ADK: variants seen among roughly 807,000 people sequenced by gnomAD.
ADK encodes the protein N6,N6-dimethyladenosine kinase.
In ADK, 24 loss-of-function variants were observed where a neutral mutation model predicts 44.7. That is an observed-to-expected ratio of 0.54 (90% confidence interval 0.39 to 0.76). ADK has a LOEUF of 0.76. Ranked by LOEUF, ADK falls within the 30% of genes least tolerant of loss-of-function variation. The pLI is 0.00. For synonymous variants in ADK, 128 were observed against 142.6 expected, an observed-to-expected ratio of 0.90 and a Z score of 0.73; for missense variants, 321 against 425.1, an observed-to-expected ratio of 0.76 and a Z score of 2.15.
chr10:74,483,014 A>G (rs4281434), intron 6 of ADK, among the ~76,000 whole-genome samples: 110,242 of 152,000 alleles, frequency 0.73, 40,696 homozygotes, highest in Middle Eastern at 0.86. Flanking sequence ...TCTTCTCACC[A>G]TTCCAATAGG....
intron 10 of ADK, among the ~76,000 whole-genome samples, chr10:74,700,164 G>T (rs1181509719): frequency 6.6e-6 from 1 of 152,148 alleles, no homozygotes; most frequent in Non-Finnish European, 1.5e-5. Flanking sequence ...AAACTACAGT[G>T]TATTTATACA....
intron 1 of ADK, among the ~76,000 whole-genome samples, chr10:74,179,278 G>T (rs1458285453): frequency 6.6e-6 from 1 of 152,264 alleles, no homozygotes; most frequent in African/African-American, 2.4e-5. Flanking sequence ...TTGCAATAAT[G>T]ATGTCAGACA....
intron 1 of ADK, among the ~76,000 whole-genome samples, chr10:74,195,565 C>T (rs1843099300): frequency 6.6e-6 from 1 of 152,114 alleles, no homozygotes; most frequent in Non-Finnish European, 1.5e-5. Context: ...CTTACTGCAA[C>T]CTCGACCTTC....
intron 9 of ADK, among the ~76,000 whole-genome samples, chr10:74,615,399 A>G (rs1852713766): frequency 6.6e-6 from 1 of 152,146 alleles, no homozygotes; most frequent in Admixed American, 6.5e-5. Context: ...TGTAGTGTCA[A>G]GTTCTGTGGG....
chr10:74,469,164 C>T (rs1308295028), intron 6 of ADK, among the ~76,000 whole-genome samples: 1 of 151,946 alleles, frequency 6.6e-6, no homozygotes, highest in African/African-American at 2.4e-5. Context: ...GTTGCAAAAC[C>T]CCATCCCTAC....
intron 6 of ADK, among the ~76,000 whole-genome samples, chr10:74,513,440 C>G (rs557723261): frequency 1.3e-5 from 2 of 152,222 alleles, no homozygotes; most frequent in South Asian, 4.1e-4. Flanking sequence ...TATATATTTA[C>G]AGTTGTTATA....
chr10:74,432,698 T>G (rs537615449), intron 6 of ADK, among the ~76,000 whole-genome samples: 29 of 152,326 alleles, frequency 1.9e-4, no homozygotes, highest in African/African-American at 7.0e-4. Flanking sequence ...AGTGTATACA[T>G]GTATTTGCTT....
intron 6 of ADK, among the ~76,000 whole-genome samples, chr10:74,474,728 G>T (rs1846758310): frequency 6.6e-6 from 1 of 152,040 alleles, no homozygotes; most frequent in African/African-American, 2.4e-5. Flanking sequence ...TCACTGTGTT[G>T]CCCAGGCTGG....
chr10:74,620,263 C>T (rs1484992050), intron 9 of ADK, among the ~76,000 whole-genome samples: 1 of 152,076 alleles, frequency 6.6e-6, no homozygotes, highest in Non-Finnish European at 1.5e-5. Context: ...CTCCCTATTG[C>T]CTCCTCCTTC....
intron 2 of ADK, among the ~76,000 whole-genome samples, chr10:74,220,513 C>G (rs1428742936): frequency 6.6e-6 from 1 of 152,120 alleles, no homozygotes; most frequent in Non-Finnish European, 1.5e-5. Context: ...CTCCCTAACT[C>G]ATTTTATGAG....
chr10:74,620,337 T>C (rs986088380), intron 9 of ADK, among the ~76,000 whole-genome samples: 3 of 152,200 alleles, frequency 2.0e-5, no homozygotes, highest in Non-Finnish European at 4.4e-5. Context: ...CAACTTTTTT[T>C]AGCTTCCACG....
At chr10:74,195,088 C>T (rs578102501) in intron 1 of ADK, among the ~76,000 whole-genome samples, 2 of 88,530 alleles carry the variant, frequency 2.3e-5, no homozygotes, top group South Asian at 5.7e-4. Context: ...CGCTCCCCCC[C>T]CCAAAAAAAA....
chr10:74,575,144 C>T (rs1851140904), intron 7 of ADK, among the ~76,000 whole-genome samples: 1 of 152,110 alleles, frequency 6.6e-6, no homozygotes, highest in Non-Finnish European at 1.5e-5. Context: ...TATTTGAGGG[C>T]TTCTCTTTTC....
chr10:74,574,308 C>A (rs181790367), intron 7 of ADK, among the ~76,000 whole-genome samples: 26 of 151,810 alleles, frequency 1.7e-4, no homozygotes, highest in Admixed American at 1.3e-3. Context: ...GTAGCTGGGA[C>A]TACAGGCGCA....
At chr10:74,592,045 A>T (rs532307168) in intron 8 of ADK, among the ~76,000 whole-genome samples, 3 of 152,262 alleles carry the variant, frequency 2.0e-5, no homozygotes, top group African/African-American at 7.2e-5. Context: ...TAAAAAAAAA[A>T]ATCTTTAAAC....
intron 6 of ADK, among the ~76,000 whole-genome samples, chr10:74,512,125 C>A (rs754115175): frequency 6.6e-6 from 1 of 152,080 alleles, no homozygotes; most frequent in African/African-American, 2.4e-5. Flanking sequence ...ATATGGTGGA[C>A]CATCTTTGCA....
chr10:74,576,614 T>C (rs1851192246), intron 7 of ADK, among the ~76,000 whole-genome samples: 1 of 152,134 alleles, frequency 6.6e-6, no homozygotes, highest in African/African-American at 2.4e-5. Flanking sequence ...GAGAAAAGTT[T>C]CTGAGATAAG....
chr10:74,667,703 T>C (rs2134188732), intron 9 of ADK, among the ~76,000 whole-genome samples: 2 of 151,910 alleles, frequency 1.3e-5, no homozygotes, highest in Non-Finnish European at 2.9e-5. Context: ...TGACAAATTT[T>C]TTTTTGTATT....
intron 6 of ADK, among the ~76,000 whole-genome samples, chr10:74,415,094 T>C (rs893275128): frequency 9.9e-5 from 15 of 152,222 alleles, no homozygotes; most frequent in African/African-American, 3.6e-4. Context: ...GTTGTGGACT[T>C]GTGGCACTGT....
Sources: allele counts gnomAD v4.1 joint callset (sites outside exome capture counted in the v4.1 genomes callset), GRCh38; gene constraint gnomAD v4.1.1; transcripts MANE v1.5; gene names NCBI Gene and HGNC (gene_info 2026-07-23, HGNC 2026-07-21).